TEX9: variants seen among roughly 807,000 people sequenced by gnomAD.
TEX9 encodes the protein testis expressed 9.
TEX9 carries 74 observed loss-of-function variants against 59.6 expected under a neutral mutation model. That is an observed-to-expected ratio of 1.24 (90% CI 1.03 to 1.51). The LOEUF (loss-of-function observed/expected upper bound fraction) is 1.51. Among genes scored for constraint, TEX9 ranks in the 40% most tolerant of loss-of-function variants. The pLI is 0.00. For missense variants in TEX9, 522 were observed against 447.8 expected (o/e 1.17, Z -1.49); for synonymous variants, 186 against 152.2 (o/e 1.22, Z -1.64).
chr15:56,285,635 T>C (rs1251853149), intron 1 of TEX9, among the ~76,000 whole-genome samples: 1 of 152,196 alleles, frequency 6.6e-6, no homozygotes, highest in East Asian at 1.9e-4. Flanking sequence ...GCTAGTTCCT[T>C]AAAATCTTTT....
At chr15:56,283,293 T>A (rs1421589357) in intron 1 of TEX9, among the ~76,000 whole-genome samples, 4 of 152,100 alleles carry the variant, frequency 2.6e-5, no homozygotes, top group Non-Finnish European at 5.9e-5. Flanking sequence ...ACGCATGCAA[T>A]CAATGAATGA....
chr15:56,317,908 A>G, intron 1 of TEX9, among the ~76,000 whole-genome samples: 1 of 152,136 alleles, frequency 6.6e-6, no homozygotes, highest in East Asian at 1.9e-4. Context: ...CTAACATATG[A>G]TCTTTTCTGG....
chr15:56,275,904 C>T (rs1040173737), intron 1 of TEX9, among the ~76,000 whole-genome samples: 11 of 151,940 alleles, frequency 7.2e-5, no homozygotes, highest in Non-Finnish European at 1.5e-4. Context: ...GAGTATAGAA[C>T]TCTATACTCA....
At chr15:56,367,703 T>C (rs550149245) in intron 2 of TEX9, among the ~76,000 whole-genome samples, 57 of 152,322 alleles carry the variant, frequency 3.7e-4, no homozygotes, top group Non-Finnish European at 7.1e-4. Flanking sequence ...ACTTCTCCAT[T>C]TATGGGTTTT....
intron 7 of TEX9, among the ~76,000 whole-genome samples, chr15:56,392,385 CG>C (rs2048258473): frequency 6.6e-6 from 1 of 151,934 alleles, no homozygotes; most frequent in Non-Finnish European, 1.5e-5. Flanking sequence ...GAACAAGAGA[CG>C]GGGGAGGTGC....
chr15:56,318,979 A>AT (rs1411549193), intron 1 of TEX9, among the ~76,000 whole-genome samples: 3 of 152,140 alleles, frequency 2.0e-5, no homozygotes, highest in Non-Finnish European at 4.4e-5. Flanking sequence ...GCCCACATCC[A>AT]TACTGTATTA....
At chr15:56,457,388 T>C in the TEX9 span, among the ~76,000 whole-genome samples, 3 of 152,176 alleles carry the variant, frequency 2.0e-5, no homozygotes, top group Non-Finnish European at 4.4e-5. Context: ...CAAGGAGATA[T>C]TACTACGTAC....
chr15:56,346,608 A>T (rs1366138111), intron 1 of TEX9, among the ~76,000 whole-genome samples: 1 of 152,222 alleles, frequency 6.6e-6, no homozygotes, highest in Non-Finnish European at 1.5e-5. Flanking sequence ...CTTGATTGAT[A>T]ACACATTTGG....
the TEX9 span, among the ~76,000 whole-genome samples, chr15:56,451,443 C>T: frequency 6.6e-6 from 1 of 152,032 alleles, no homozygotes; most frequent in Non-Finnish European, 1.5e-5. Flanking sequence ...TGAATGCTAC[C>T]CAAATTTCTT....
chr15:56,434,288 C>G, intron 12 of TEX9: 1 of 1,613,890 alleles, frequency 6.2e-7, no homozygotes, highest in Non-Finnish European at 8.5e-7. Context: ...TTCTAAAGTT[C>G]TCCTCTTCCT....
intron 1 of TEX9, among the ~76,000 whole-genome samples, chr15:56,341,127 G>T (rs1039072602): frequency 6.6e-6 from 1 of 152,104 alleles, no homozygotes; most frequent in African/African-American, 2.4e-5. Context: ...GAAGATGAGG[G>T]TTTCTTTAAT....
chr15:56,332,026 T>G (rs1309440451), intron 1 of TEX9, among the ~76,000 whole-genome samples: 2 of 128,634 alleles, frequency 1.6e-5, no homozygotes, highest in Non-Finnish European at 3.3e-5. Context: ...TTGGTGGGAC[T>G]GTAAACTAGT....
At chr15:56,394,480 G>A in intron 8 of TEX9, 181 bp from the exon 9 acceptor site, 2 of 628,114 alleles carry the variant, frequency 3.2e-6, no homozygotes, top group Non-Finnish European at 5.4e-6. Flanking sequence ...CAAATGTAGT[G>A]TAAGCTATTA....
intron 12 of TEX9, among the ~76,000 whole-genome samples, chr15:56,445,146 C>T (rs2050885786): frequency 6.6e-6 from 1 of 151,980 alleles, no homozygotes; most frequent in Admixed American, 6.6e-5. Context: ...TTCTCCTAGC[C>T]TAAACTTTCT....
chr15:56,439,632 A>G (rs969734832), intron 12 of TEX9, among the ~76,000 whole-genome samples: 1 of 152,126 alleles, frequency 6.6e-6, no homozygotes, highest in Admixed American at 6.6e-5. Flanking sequence ...AGCCATTTCA[A>G]CAAATGGTGT....
Position 56,378,279 on chromosome 15 carries a change from T to C in TEX9, c.183+4775T>C, listed in dbSNP as rs533394130. Reference sequence around the variant, plus strand: ...CCTCCTCCTCCAATTTTTGGAATAGTTTGAGTTGGTTTGGTATTAGTTCTT... The same window carrying C: ...CCTCCTCCTCCAATTTTTGGAATAGCTTGAGTTGGTTTGGTATTAGTTCTT... On this transcript the variant is annotated intron_variant, in intron 3 of 12. Coordinates refer to ENST00000352903, the Ensembl canonical transcript of TEX9. Among the ~76,000 whole-genome samples, 15 of 152,270 alleles carry C rather than the reference T, an allele frequency of 9.9e-5. No individual in the cohort carries two copies. The South Asian group carries it at 2.1e-3, about 21-fold the overall frequency.
At position 56,272,472 on chromosome 15, in the gene TEX9, A is replaced by G. The variant is rs141233350; in HGVS notation, c.-107+28194A>G. Among the ~76,000 whole-genome samples the G allele has an allele frequency of 2.6e-5, 4 of 152,278 alleles. No individual in the cohort carries two copies. The East Asian group carries it at 7.7e-4, about 29-fold the overall frequency. ...GCTTCTTATGGTTGAACAAGATTTC[A>G]TTGTATGGATATATTACATAAATTA... On this transcript the variant is annotated intron_variant, in intron 1 of 5. Coordinates refer to the TEX9 transcript ENST00000560827.
chr15:56,438,012 A>T (rs2050757701), intron 12 of TEX9, among the ~76,000 whole-genome samples: 1 of 152,228 alleles, frequency 6.6e-6, no homozygotes, highest in Admixed American at 6.5e-5. Flanking sequence ...GATAGGAAGA[A>T]TCAATATCGT....
intron 1 of TEX9, among the ~76,000 whole-genome samples, chr15:56,278,802 C>CA (rs1490489337): frequency 8.7e-6 from 1 of 114,470 alleles, no homozygotes; most frequent in African/African-American, 2.8e-5. Context: ...AAGAGATCCA[C>CA]GTTTTTTTTT....
Sources: gnomAD v4.1 joint callset for allele counts (sites outside exome capture counted in the v4.1 genomes callset) on GRCh38, gnomAD v4.1.1 for gene constraint, MANE v1.5 for transcripts, NCBI Gene and HGNC (gene_info 2026-07-23, HGNC 2026-07-21) for gene names.